The following NPAS2 variants were observed in gnomAD, a reference collection of about 807,000 sequenced individuals.
NPAS2 encodes the protein neuronal PAS domain protein 2.
NPAS2 carries 23 observed loss-of-function variants against 107.5 expected under a neutral mutation model. The ratio of observed to expected loss-of-function variants is 0.21; its 90% CI spans 0.15 to 0.30. The LOEUF is 0.30. NPAS2 is among the 10% of genes least tolerant of loss of function. The pLI is 1.00. For missense variants in NPAS2, 756 were observed against 1,043.3 expected, an observed-to-expected ratio of 0.72 and a Z score of 3.79; for synonymous variants, 403 against 417.5, an observed-to-expected ratio of 0.97 and a Z score of 0.42.
intron 1 of NPAS2, among the ~76,000 whole-genome samples, chr2:100,833,612 C>G (rs147215916): frequency 1.3e-5 from 2 of 152,316 alleles, no homozygotes; most frequent in African/African-American, 4.8e-5. Flanking sequence ...TGGGGCTGCA[C>G]AGTGTGCTTT....
chr2:100,911,234 C>G (rs1253841005), intron 2 of NPAS2, among the ~76,000 whole-genome samples: 1 of 152,058 alleles, frequency 6.6e-6, no homozygotes, highest in Non-Finnish European at 1.5e-5. Flanking sequence ...AGAAAATAAC[C>G]TCCTCTGGCC....
At chr2:100,945,803 C>G (rs1674858715) in intron 5 of NPAS2, among the ~76,000 whole-genome samples, 1 of 152,216 alleles carries the variant, frequency 6.6e-6, no homozygotes, top group East Asian at 1.9e-4. Flanking sequence ...TCAAGGATTC[C>G]TCCCTCTGGA....
rs868707922 is a variant in NPAS2, at chr2:100,873,315, C to T, written c.-22-31418C>T. ...ATATATATATATATATATACACACA[C>T]ACACACACACACACACACACACACA... is the stretch of plus-strand genomic sequence containing the variant. On this transcript the variant is annotated intron_variant, in intron 1 of 20. Coordinates refer to ENST00000335681, the MANE Select transcript of NPAS2 (RefSeq NM_002518.4). 4.7e-3 allele frequency among the ~76,000 whole-genome samples: 477 copies of T among 101,534 alleles called. 2 individuals carry two copies. Among genetic ancestry groups the T allele is most frequent in the African/African-American group, 0.017 (387 of 23,174 alleles). 66.6% of individuals were successfully genotyped at this position (101,534 alleles called of 152,430 possible). A position where few individuals can be genotyped will look rare whatever the true frequency, so the allele number is the denominator to read the frequency against.
At chr2:100,883,915 C>T (rs1268969705) in intron 1 of NPAS2, among the ~76,000 whole-genome samples, 2 of 152,148 alleles carry the variant, frequency 1.3e-5, no homozygotes, top group Admixed American at 6.5e-5. Context: ...AGGCCCCAGC[C>T]CACACAGAGA....
At chr2:100,836,422 G>A (rs1369094203) in intron 1 of NPAS2, among the ~76,000 whole-genome samples, 1 of 152,132 alleles carries the variant, frequency 6.6e-6, no homozygotes, top group Non-Finnish European at 1.5e-5. Context: ...ATTCTGGGCT[G>A]TATATCATTT....
Position 100,820,800 on chromosome 2 carries a change from G to A in NPAS2, c.-23+386G>A, listed in dbSNP as rs1330735459. 6.6e-6 allele frequency among the ~76,000 whole-genome samples: 1 copy of A among 152,166 alleles called. No individual in the cohort carries two copies. Among genetic ancestry groups the A allele is most frequent in the South Asian group, 2.1e-4 (1 of 4,830 alleles). ...GGGGATTGCCCGTGGTTGTCTTCGA[G>A]ACCCATCGCGCTACCCTCCGAAACG... On this transcript the variant is annotated intron_variant, in intron 1 of 20. Transcript: ENST00000335681. This position sits in a 1 kb window ranked among gnomAD's most constrained non-coding sequence, Gnocchi z 5.6.
chr2:100,856,631 G>C (rs899428133), intron 1 of NPAS2, among the ~76,000 whole-genome samples: 1 of 151,386 alleles, frequency 6.6e-6, no homozygotes, highest in Non-Finnish European at 1.5e-5. Flanking sequence ...CAAGCCATGC[G>C]GCACACTCCG....
intron 1 of NPAS2, among the ~76,000 whole-genome samples, chr2:100,891,003 C>T (rs1210959137): frequency 5.9e-5 from 9 of 152,132 alleles, no homozygotes; most frequent in South Asian, 2.1e-4. Context: ...GAGGCCAAGG[C>T]GGGTGGATCA....
chr2:100,967,051 T>A, intron 10 of NPAS2, among the ~76,000 whole-genome samples: 1 of 149,578 alleles, frequency 6.7e-6, no homozygotes, highest in East Asian at 2.1e-4. Context: ...GGAAGTTTGC[T>A]ACACTTGTAG....
chr2:100,910,942 C>T (rs577950754), intron 2 of NPAS2, among the ~76,000 whole-genome samples: 1 of 152,312 alleles, frequency 6.6e-6, no homozygotes, highest in East Asian at 1.9e-4. Flanking sequence ...AGGGGTTGTG[C>T]ACCTGTCTCC....
At chr2:100,903,779 T>G (rs1191612673) in intron 1 of NPAS2, among the ~76,000 whole-genome samples, 1 of 152,016 alleles carries the variant, frequency 6.6e-6, no homozygotes. Context: ...ATGAGTGCCC[T>G]GAGAACGGTT....
chr2:100,832,149 G>A (rs574645246), intron 1 of NPAS2, among the ~76,000 whole-genome samples: 1 of 152,256 alleles, frequency 6.6e-6, no homozygotes, highest in South Asian at 2.1e-4. Context: ...ACCTCATGTA[G>A]GGTAGGCACA....
In NPAS2 at chr2:100,964,185, C is replaced by T. The variant is rs145665656; in HGVS notation, c.717+9C>T. Reference sequence around the variant, plus strand: ...CACCACAATTCTTAAAGGCAAGTACCTGAGAGGCAGTTCATTGTGCGGAGC... The same window carrying T: ...CACCACAATTCTTAAAGGCAAGTACTTGAGAGGCAGTTCATTGTGCGGAGC... On this transcript the variant is annotated intron_variant, in intron 8 of 20. Transcript: ENST00000335681. 3 of 1,536,772 alleles carry T rather than the reference C, an allele frequency of 2.0e-6. No individual in the cohort carries two copies. Among genetic ancestry groups the T allele is most frequent in the East Asian group, 2.2e-5 (1 of 44,562 alleles).
intron 3 of NPAS2, among the ~76,000 whole-genome samples, chr2:100,929,391 T>A (rs575525400): frequency 5.9e-5 from 9 of 152,220 alleles, no homozygotes; most frequent in Non-Finnish European, 1.3e-4. Flanking sequence ...CTTGTGGCTA[T>A]TTATATCACA....
Position 100,977,766 on chromosome 2 carries a change from C to T in NPAS2, c.1449C>T (p.Thr483=), listed in dbSNP as rs780439778. Residue 483 remains threonine (T), a synonymous_variant, in exon 15 of 21, where the codon ACC becomes ACT. Coordinates refer to ENST00000335681, the MANE Select transcript of NPAS2 (RefSeq NM_002518.4). ...CDLTQQLLPQ[T]VLQSTPAPMA... is the part of the protein sequence containing the mutation. ...TCACACAGCAGCTCCTGCCTCAGAC[C>T]GTTCTGCAGAGCACGCCCGCTCCCA... 25 of 1,614,078 alleles carry T rather than the reference C, an allele frequency of 1.5e-5. No individual in the cohort carries two copies. Among genetic ancestry groups the T allele is most frequent in the Admixed American group, 5.0e-5 (3 of 60,000 alleles).
chr2:100,941,700 T>C (rs1674583533), intron 5 of NPAS2, among the ~76,000 whole-genome samples: 1 of 152,070 alleles, frequency 6.6e-6, no homozygotes, highest in Non-Finnish European at 1.5e-5. Context: ...CACGGGAGCC[T>C]CTGGAATGAA....
rs542773768 is a variant in NPAS2, at chr2:100,976,370, G to A, written c.1392+803G>A. Among the ~76,000 whole-genome samples the A allele has an allele frequency of 2.0e-5, 3 of 152,180 alleles. No homozygotes were observed. The highest frequency in any genetic ancestry group is 7.2e-5 in the African/African-American group (3 of 41,528). On this transcript the variant is annotated intron_variant, in intron 14 of 20. Transcript: ENST00000335681. The surrounding 1 kb of genome is among the most constrained non-coding windows in gnomAD (Gnocchi z 4.1). ...TGGTGGTGGACTCCAGGTTCCAAGA[G>A]GAGACACCTGGAGACGCAGGCAGGA...
chr2:100,917,605 A>G (rs1055222430), intron 2 of NPAS2, among the ~76,000 whole-genome samples: 1 of 152,232 alleles, frequency 6.6e-6, no homozygotes, highest in African/African-American at 2.4e-5. Context: ...CGATTTATCA[A>G]TAGCAGGAAT....
At chr2:100,963,505 A>G (rs1355807113) in intron 7 of NPAS2, among the ~76,000 whole-genome samples, 1 of 152,160 alleles carries the variant, frequency 6.6e-6, no homozygotes, top group Non-Finnish European at 1.5e-5. Context: ...TCCCAGGTTC[A>G]AGTGATTCTC....
Sources: allele counts gnomAD v4.1 joint callset (sites outside exome capture counted in the v4.1 genomes callset), GRCh38; gene constraint gnomAD v4.1.1; non-coding constraint Gnocchi (gnomAD v3.1); transcripts MANE v1.5; gene names NCBI Gene and HGNC (gene_info 2026-07-23, HGNC 2026-07-21).